KIF13B: variants seen among roughly 807,000 people sequenced by gnomAD.
KIF13B encodes kinesin-like protein KIF13B.
In KIF13B, 127 loss-of-function variants were observed where a neutral mutation model predicts 222.0. The observed-to-expected ratio is 0.57, with a 90% confidence interval of 0.50 to 0.66. The LOEUF (loss-of-function observed/expected upper bound fraction) is 0.66, where lower values mean the gene tolerates loss of function less well. Ranked by LOEUF, KIF13B falls within the 30% of genes least tolerant of loss-of-function variation. The pLI is 0.00. For synonymous variants in KIF13B, 976 were observed against 919.0 expected (o/e 1.06, Z -1.12); for missense variants, 2,173 against 2,379.0 (o/e 0.91, Z 1.80).
chr8:29,089,130 T>C (rs917057970), intron 37 of KIF13B, among the ~76,000 whole-genome samples: 6 of 152,340 alleles, frequency 3.9e-5, no homozygotes, highest in South Asian at 4.1e-4. Flanking sequence ...TGAGTAGCAC[T>C]TGGGACCCAC....
At chr8:29,117,659 A>C (rs1252125192) in intron 30 of KIF13B, among the ~76,000 whole-genome samples, 2 of 152,202 alleles carry the variant, frequency 1.3e-5, no homozygotes, top group Non-Finnish European at 2.9e-5. Context: ...CTCACTGTCA[A>C]GACTCAAGTT....
chr8:29,098,437 T>C (rs1468164993), intron 36 of KIF13B, among the ~76,000 whole-genome samples: 3 of 151,406 alleles, frequency 2.0e-5, no homozygotes, highest in Non-Finnish European at 4.4e-5. Context: ...ACCCCATCTC[T>C]ACTAAAAATG....
In KIF13B at chr8:29,103,774, G is replaced by A. The variant is rs1342272858; in HGVS notation, c.4215+4365C>T. 4.6e-5 allele frequency among the ~76,000 whole-genome samples: 7 copies of A among 152,054 alleles called. No individual in the cohort carries two copies. In the East Asian group the frequency reaches 9.6e-4, roughly 21 times the overall value. On this transcript the variant is annotated intron_variant, in intron 35 of 39. Coordinates refer to ENST00000524189, the MANE Select transcript of KIF13B (RefSeq NM_015254.4). ...AAACTATGAGTTCCTCTTTAGAACC[G>A]AACCACTTTCCTCTCGCCTCCCACG...
Position 29,070,512 on chromosome 8 carries a change from C to T in KIF13B, c.5473G>A (p.Ala1825Thr). The change falls in exon 40 of 40, where the codon GCC (alanine) becomes ACC (threonine). Residue 1825 changes from alanine to threonine, a missense_variant. By Grantham distance (58) the Ala-to-Thr change is moderately conservative. Coordinates refer to ENST00000524189, the MANE Select transcript of KIF13B (RefSeq NM_015254.4). The surrounding 1 kb of genome is among the most constrained non-coding windows in gnomAD (Gnocchi z 4.1). ...CGCCCTAAGGCAGCGGCTCAGCTGG[C>T]CCAGGATTTCCGGTTCTCAGGGTTC... ...HKNPENRKSW[A>T]S 1 of 1,610,412 alleles carries T rather than the reference C, an allele frequency of 6.2e-7. No individual in the cohort carries two copies. The highest frequency in any genetic ancestry group is 8.5e-7 in the Non-Finnish European group (1 of 1,178,744).
intron 3 of KIF13B, 52 bp from the exon 4 acceptor site, chr8:29,191,109 A>G: frequency 7.5e-7 from 1 of 1,326,692 alleles, no homozygotes; most frequent in Non-Finnish European, 1.1e-6. Flanking sequence ...CATTACTTAT[A>G]AACCATAACT....
At chr8:29,173,388 G>A (rs180702479) in intron 10 of KIF13B, among the ~76,000 whole-genome samples, 3 of 151,736 alleles carry the variant, frequency 2.0e-5, no homozygotes, top group African/African-American at 4.8e-5. Context: ...TTGGGAGGCC[G>A]AGGCAGGAGG....
chr8:29,102,591 C>G (rs1808844827), intron 35 of KIF13B, among the ~76,000 whole-genome samples: 3 of 152,218 alleles, frequency 2.0e-5, no homozygotes. Flanking sequence ...ACTCCTGCTC[C>G]TCTGCCAGAT....
At chr8:29,102,939 T>C (rs538399035) in intron 35 of KIF13B, among the ~76,000 whole-genome samples, 1 of 152,278 alleles carries the variant, frequency 6.6e-6, no homozygotes, top group Non-Finnish European at 1.5e-5. Context: ...AAAATAACTT[T>C]GGAAATAAAA....
intron 37 of KIF13B, among the ~76,000 whole-genome samples, chr8:29,075,760 A>G (rs1304075577): frequency 6.6e-6 from 1 of 152,156 alleles, no homozygotes; most frequent in Non-Finnish European, 1.5e-5. Context: ...GGGAGGAGGA[A>G]GGAGGCCAGG....
At chr8:29,085,849 CAAAAAAAAA>C (rs752162185) in intron 37 of KIF13B, among the ~76,000 whole-genome samples, 4 of 67,368 alleles carry the variant, frequency 5.9e-5, no homozygotes, top group African/African-American at 1.9e-4. Context: ...GAGCCCGTAA[CAAAAAAAAA>C]AAAAAAAAAA....
At chr8:29,156,813 G>T (rs963351515) in intron 13 of KIF13B, among the ~76,000 whole-genome samples, 2 of 151,616 alleles carry the variant, frequency 1.3e-5, no homozygotes, top group Admixed American at 1.3e-4. Flanking sequence ...GAGCGACTGT[G>T]CCCAGCCTCA....
In KIF13B at chr8:29,140,475, T is replaced by C; in HGVS notation, c.2477A>G (p.Lys826Arg). 6.2e-7 allele frequency: 1 copy of C among 1,613,406 alleles called. No individual in the cohort carries two copies. Among genetic ancestry groups the C allele is most frequent in the East Asian group, 2.2e-5 (1 of 44,888 alleles). Residue 826 changes from lysine (K) to arginine (R), a missense_variant, in exon 20 of 40, where the codon AAA becomes AGA. Lys to Arg is a conservative substitution (Grantham distance 26, BLOSUM62 2). Coordinates refer to ENST00000524189, the MANE Select transcript of KIF13B (RefSeq NM_015254.4). ...CATGAAGAGAAAACCAACCTCTCCT[T>C]TCTGGTTGATGATGGGAACAGCGTA... is the stretch of plus-strand genomic sequence containing the variant. ...LQYAVPIINQ[K>R]GEVAGRLHVE...
chr8:29,228,500 G>C (rs113048724), intron 2 of KIF13B, among the ~76,000 whole-genome samples: 1 of 95,472 alleles, frequency 1.0e-5, no homozygotes, highest in East Asian at 2.4e-4. Context: ...TGAGATACAG[G>C]TTCCTCCATT....
Position 29,113,555 on chromosome 8 carries a change from C to T in KIF13B, c.3838G>A (p.Gly1280Ser), listed in dbSNP as rs760747840. 4.5e-6 allele frequency: 7 copies of T among 1,564,848 alleles called. No homozygotes were observed. Among genetic ancestry groups the T allele is most frequent in the East Asian group, 2.3e-5 (1 of 43,480 alleles). The stretch of plus-strand genomic sequence containing the variant: ...TTTTTTAGGAGACTCTGTGCAAAAC[C>T]CTAGAGAAAAACAAAATAGAAGATA... ...RICVNVHGRQ[G>S]FAQSLLKKMS... is the part of the protein sequence containing the mutation. The change falls in exon 32 of 40, where the codon GGT becomes AGT. Residue 1280 changes from glycine (G) to serine (S), a missense_variant and splice_region_variant. Gly to Ser is a moderately conservative substitution (Grantham distance 56). This residue lies in a region of KIF13B where 1,480 missense variants were observed against 1,722.8 expected (regional missense o/e 0.86). Coordinates refer to ENST00000524189, the MANE Select transcript of KIF13B (RefSeq NM_015254.4).
At chr8:29,159,718 C>A (rs1478879291) in intron 13 of KIF13B, among the ~76,000 whole-genome samples, 1 of 152,178 alleles carries the variant, frequency 6.6e-6, no homozygotes, top group African/African-American at 2.4e-5. Context: ...TTTGCCGCCA[C>A]TGAACCACAA....
At position 29,106,928 on chromosome 8, in the gene KIF13B, T is replaced by G. The variant is rs895162571; in HGVS notation, c.4215+1211A>C. ...AAGGGCTGCAAATCAACATGGGGCA[T>G]GCTGCACACAGATGGCAGTACCAAC... On this transcript the variant is annotated intron_variant, in intron 35 of 39. Transcript: ENST00000524189. 3.3e-5 allele frequency among the ~76,000 whole-genome samples: 5 copies of G among 152,272 alleles called. No homozygotes were observed. In the East Asian group the frequency reaches 9.7e-4, roughly 29 times the overall value.
intron 18 of KIF13B, among the ~76,000 whole-genome samples, chr8:29,143,901 A>G (rs998693961): frequency 6.6e-6 from 1 of 151,540 alleles, no homozygotes; most frequent in Non-Finnish European, 1.5e-5. Context: ...CAAGTATCAC[A>G]CCTCCCCCCC....
At chr8:29,083,395 T>A (rs544622556) in intron 37 of KIF13B, among the ~76,000 whole-genome samples, 1 of 152,240 alleles carries the variant, frequency 6.6e-6, no homozygotes, top group Admixed American at 6.5e-5. Flanking sequence ...AAATAAAGTA[T>A]GGCAACACTC....
At chr8:29,183,782 G>C (rs1028939745) in intron 6 of KIF13B, among the ~76,000 whole-genome samples, 1 of 152,192 alleles carries the variant, frequency 6.6e-6, no homozygotes, top group African/African-American at 2.4e-5. Context: ...GACTCCAAAT[G>C]TGTTAGCTTC....
Sources: gnomAD v4.1 joint callset for allele counts (sites outside exome capture counted in the v4.1 genomes callset) on GRCh38, gnomAD v4.1.1 for gene constraint, gnomAD v4.1.1 regional missense constraint, Gnocchi (gnomAD v3.1) non-coding constraint, MANE v1.5 for transcripts, NCBI Gene and HGNC (gene_info 2026-07-23, HGNC 2026-07-21) for gene names.